The following GNAI3 variants were observed in gnomAD, a reference collection of about 807,000 sequenced individuals.
GNAI3 encodes the protein G protein subunit alpha i3.
In GNAI3, 12 loss-of-function variants were observed where a neutral mutation model predicts 41.8. The ratio of observed to expected loss-of-function variants is 0.29; its 90% CI spans 0.18 to 0.47. The LOEUF is 0.47. GNAI3 is among the 20% of genes least tolerant of loss of function. The pLI is 1.00. For missense variants in GNAI3, 360 were observed against 429.6 expected (o/e 0.84, Z 1.43); for synonymous variants, 132 against 146.5 (o/e 0.90, Z 0.71).
At chr1:109,570,342 T>C (rs1482172686) in intron 1 of GNAI3, among the ~76,000 whole-genome samples, 1 of 152,268 alleles carries the variant, frequency 6.6e-6, no homozygotes, top group African/African-American at 2.4e-5. Flanking sequence ...TCATGGTTAC[T>C]AAATATTATT....
chr1:109,586,292 T>G lies in GNAI3; in HGVS notation c.667T>G (p.Phe223Val). Residue 223 changes from phenylalanine to valine, a missense_variant, in exon 6 of 9, where the codon TTC becomes GTC. Physicochemically the swap from Phe to Val is conservative, Grantham distance 50. Coordinates refer to ENST00000369851, the MANE Select transcript of GNAI3 (RefSeq NM_006496.4). Reference protein sequence around the residue: ...HCFEGVTAIIFCVALSDYDLV... With the variant: ...HCFEGVTAIIVCVALSDYDLV... ...TTTTGAGGGAGTGACAGCAATTATC[T>G]TCTGTGTGGCCCTCAGTGATTATGA... 6.2e-7 allele frequency: 1 copy of G among 1,613,524 alleles called. No individual in the cohort carries two copies. The highest frequency in any genetic ancestry group is 8.5e-7 in the Non-Finnish European group (1 of 1,179,522).
intron 1 of GNAI3, among the ~76,000 whole-genome samples, chr1:109,562,276 A>G (rs895643058): frequency 1.3e-5 from 2 of 152,222 alleles, no homozygotes; most frequent in Non-Finnish European, 2.9e-5. Context: ...ATTAGGTATT[A>G]TAAGTAATCT....
At chr1:109,581,545 T>TA (rs1648889127) in intron 4 of GNAI3, among the ~76,000 whole-genome samples, 1 of 152,136 alleles carries the variant, frequency 6.6e-6, no homozygotes, top group Non-Finnish European at 1.5e-5. Context: ...CTGTTCCTAT[T>TA]GTTTTAATTT....
chr1:109,572,609 T>A (rs1403536247), intron 1 of GNAI3, among the ~76,000 whole-genome samples: 6 of 152,156 alleles, frequency 3.9e-5, no homozygotes, highest in Non-Finnish European at 8.8e-5. Context: ...TGAGTATAGA[T>A]GGCACATTAG....
At position 109,577,451 on chromosome 1, in the gene GNAI3, A is replaced by AT. The variant is rs527847948; in HGVS notation, c.304-1748dup. Among the ~76,000 whole-genome samples, 994 of 151,806 alleles carry AT rather than the reference A, an allele frequency of 6.5e-3. 12 individuals are homozygous for AT. Among genetic ancestry groups the AT allele is most frequent in the South Asian group, 0.05 (241 of 4,800 alleles). On this transcript the variant is annotated intron_variant, in intron 3 of 8. Transcript: ENST00000369851. ...GCCACCATGCCCAGCTAATTTTTGT[A>AT]TTTTTAGTGGAGATGGGGTTTCACC...
At chr1:109,566,987 C>T (rs1233383881) in intron 1 of GNAI3, among the ~76,000 whole-genome samples, 2 of 152,156 alleles carry the variant, frequency 1.3e-5, no homozygotes, top group Non-Finnish European at 2.9e-5. Flanking sequence ...CTCCTATGAT[C>T]TTTAGTTGTA....
At chr1:109,562,964 TTC>T (rs1395866895) in intron 1 of GNAI3, among the ~76,000 whole-genome samples, 1 of 152,224 alleles carries the variant, frequency 6.6e-6, no homozygotes, top group East Asian at 1.9e-4. Flanking sequence ...CTTGTGTCAG[TTC>T]TGTTCCCTTT....
rs1452176374 is a variant in GNAI3 at position 109,586,837 on chromosome 1, A to G, written c.829A>G (p.Lys277Glu). The part of the protein sequence containing the change: ...FLNKKDLFEE[K>E]IKRSPLTICY... ...TAACAAGAAAGACCTTTTTGAGGAA[A>G]AAATAAAGAGGAGTCCGTTAACTAT... Residue 277 changes from lysine (K) to glutamate (E), a missense_variant, in exon 7 of 9, where the codon AAA becomes GAA. Physicochemically the swap from Lys to Glu is moderately conservative, Grantham distance 56 (BLOSUM62 1). Transcript: ENST00000369851. The G allele has an allele frequency of 3.1e-6, 5 of 1,604,260 alleles. No homozygotes were observed. The highest frequency in any genetic ancestry group is 4.3e-6 in the Non-Finnish European group (5 of 1,171,222).
At chr1:109,558,402 GAC>G (rs747571107) in intron 1 of GNAI3, among the ~76,000 whole-genome samples, 5 of 151,988 alleles carry the variant, frequency 3.3e-5, no homozygotes, top group Non-Finnish European at 5.9e-5. Flanking sequence ...TAGCCTGGGC[GAC>G]AGAGTGAGAC....
chr1:109,573,838 A>G (rs946682938), intron 2 of GNAI3, 58 bp from the exon 3 acceptor site: 1 of 1,594,308 alleles, frequency 6.3e-7, no homozygotes, highest in Non-Finnish European at 8.6e-7. Flanking sequence ...TATAAAGTCC[A>G]TAGTATCTTT....
intron 3 of GNAI3, among the ~76,000 whole-genome samples, chr1:109,577,362 C>T (rs1200414344): frequency 1.7e-4 from 25 of 151,068 alleles, no homozygotes; most frequent in African/African-American, 4.4e-4. Context: ...CTGCAACCTC[C>T]GCCTCCTGGG....
intron 1 of GNAI3, among the ~76,000 whole-genome samples, chr1:109,558,616 CTT>C (rs796127142): frequency 1.8e-4 from 27 of 151,012 alleles, no homozygotes; most frequent in African/African-American, 6.1e-4. Context: ...ATCACCCTGG[CTT>C]TTTTTTTGTG....
At chr1:109,554,829 T>G (rs1250020240) in intron 1 of GNAI3, among the ~76,000 whole-genome samples, 2 of 152,202 alleles carry the variant, frequency 1.3e-5, no homozygotes, top group Non-Finnish European at 2.9e-5. Flanking sequence ...TCTAGAATTT[T>G]TATGGTTTTG....
intron 1 of GNAI3, among the ~76,000 whole-genome samples, chr1:109,566,331 GT>G (rs1648452767): frequency 6.6e-6 from 1 of 152,158 alleles, no homozygotes; most frequent in South Asian, 2.1e-4. Flanking sequence ...AAATAGATCT[GT>G]AACTTCTCCC....
chr1:109,564,527 T>A (rs1270372960), intron 1 of GNAI3, among the ~76,000 whole-genome samples: 1 of 152,204 alleles, frequency 6.6e-6, no homozygotes, highest in Non-Finnish European at 1.5e-5. Flanking sequence ...ATCTTTTCCT[T>A]TGTGACCTTG....
intron 1 of GNAI3, among the ~76,000 whole-genome samples, chr1:109,559,762 A>G (rs115677656): frequency 0.014 from 2,169 of 152,318 alleles, 35 homozygotes; most frequent in Middle Eastern, 0.024. Context: ...GTGTTTAGCA[A>G]GTTAAAGTTA....
chr1:109,586,420 C>T, intron 6 of GNAI3, 75 bp downstream of exon 6: 1 of 1,395,944 alleles, frequency 7.2e-7, no homozygotes, highest in Non-Finnish European at 9.9e-7. Flanking sequence ...GGAAGATTAT[C>T]TGCATCCATT....
At chr1:109,589,031 T>C (rs1175110549) in intron 7 of GNAI3, among the ~76,000 whole-genome samples, 1 of 152,228 alleles carries the variant, frequency 6.6e-6, no homozygotes, top group African/African-American at 2.4e-5. Flanking sequence ...TGTTGATTTT[T>C]AATTATTCAT....
Position 109,595,929 on chromosome 1 carries a change from G to A in GNAI3, c.*3607G>A, listed in dbSNP as rs999832185. ...TACTTGTGGGTTCTTTCCTTTTCAT[G>A]TGTAATACTGATTTTAAGAGCAATG... is the stretch of plus-strand genomic sequence containing the variant. On this transcript the variant is annotated 3_prime_UTR_variant, in exon 9 of 9. Transcript: ENST00000369851. 6.6e-6 allele frequency: 1 copy of A among 151,902 alleles called. No homozygotes were observed. Among genetic ancestry groups the A allele is most frequent in the African/African-American group, 2.4e-5 (1 of 41,336 alleles). The allele number at this position is 151,902 out of a possible 1,614,324, so 9.4% of individuals were successfully genotyped here.
Sources: allele counts gnomAD v4.1 joint callset (sites outside exome capture counted in the v4.1 genomes callset), GRCh38; gene constraint gnomAD v4.1.1; transcripts MANE v1.5; gene names NCBI Gene and HGNC (gene_info 2026-07-23, HGNC 2026-07-21).